LUZP2: variants seen among roughly 807,000 people sequenced by gnomAD.
LUZP2 encodes leucine zipper protein 2.
LUZP2 carries 52 observed loss-of-function variants against 51.6 expected under a neutral mutation model. The ratio of observed to expected loss-of-function variants is 1.01; its 90% CI spans 0.81 to 1.27. The LOEUF (loss-of-function observed/expected upper bound fraction) is 1.27, where lower values mean the gene tolerates loss of function less well. LUZP2 is among the 50% of genes most tolerant of loss of function. The pLI, the probability that LUZP2 is intolerant of heterozygous loss-of-function variation, is 0.00. For missense variants in LUZP2, 436 were observed against 395.4 expected (o/e 1.10, Z -0.87); for synonymous variants, 154 against 137.3 (o/e 1.12, Z -0.85).
At chr11:24,546,981 G>A (rs865975323) in intron 1 of LUZP2, among the ~76,000 whole-genome samples, 7 of 149,084 alleles carry the variant, frequency 4.7e-5, no homozygotes, top group African/African-American at 1.7e-4. Flanking sequence ...GGTGGTGGTG[G>A]TGGTGGTGGT....
chr11:24,984,451 T>C (rs1856127956), intron 9 of LUZP2, among the ~76,000 whole-genome samples: 1 of 147,566 alleles, frequency 6.8e-6, no homozygotes, highest in South Asian at 2.1e-4. Context: ...GTTTCTCTTT[T>C]AAAAATTATT....
chr11:25,015,904 T>C (rs925987355), intron 9 of LUZP2, among the ~76,000 whole-genome samples: 2 of 151,710 alleles, frequency 1.3e-5, no homozygotes, highest in African/African-American at 2.4e-5. Flanking sequence ...TTTCTTTTTT[T>C]TTTTTTGTAT....
chr11:24,960,373 C>T (rs561760278), intron 7 of LUZP2, among the ~76,000 whole-genome samples: 122 of 152,248 alleles, frequency 8.0e-4, no homozygotes, highest in African/African-American at 2.8e-3. Context: ...GTGAATCCAT[C>T]TGGTCCTGGA....
intron 9 of LUZP2, among the ~76,000 whole-genome samples, chr11:25,030,914 TGTATTATATATATATAATA>T (rs1857635483): frequency 2.9e-5 from 1 of 33,964 alleles, no homozygotes; most frequent in African/African-American, 9.9e-5. Flanking sequence ...TAATATATAT[TGTATTATATATATATAATA>T]TATATTATAT....
chr11:24,699,686 C>G (rs1565084911), intron 1 of LUZP2, among the ~76,000 whole-genome samples: 1 of 149,522 alleles, frequency 6.7e-6, no homozygotes, highest in Admixed American at 6.7e-5. Flanking sequence ...CATATATACA[C>G]AGACACACAC....
At chr11:24,711,300 A>G (rs1857812034) in intron 1 of LUZP2, among the ~76,000 whole-genome samples, 1 of 151,982 alleles carries the variant, frequency 6.6e-6, no homozygotes, top group Non-Finnish European at 1.5e-5. Flanking sequence ...AATACAAAAA[A>G]TTAGCCGGGT....
At chr11:24,973,364 G>GTT (rs369095558) in intron 7 of LUZP2, among the ~76,000 whole-genome samples, 1 of 102,998 alleles carries the variant, frequency 9.7e-6, no homozygotes, top group African/African-American at 3.5e-5. Flanking sequence ...ATATTTATTA[G>GTT]TTTTTTTTTT....
chr11:25,070,331 G>A (rs1187975181), intron 10 of LUZP2, among the ~76,000 whole-genome samples: 1 of 151,860 alleles, frequency 6.6e-6, no homozygotes, highest in Non-Finnish European at 1.5e-5. Context: ...CAAAAAATGT[G>A]GAGCCAGTAA....
At position 24,524,397 on chromosome 11, in the gene LUZP2, G is replaced by A. The variant is rs1207934711; in HGVS notation, c.62+27092G>A. On this transcript the variant is annotated intron_variant, in intron 1 of 11. Coordinates refer to ENST00000336930, the MANE Select transcript of LUZP2 (RefSeq NM_001009909.4). ...AAACATGCTGACTACAAGAGCTTTC[G>A]TTTATAGATAAGTGCTCTTCTTTAC... Among the ~76,000 whole-genome samples, 8 of 151,686 alleles carry A rather than the reference G, an allele frequency of 5.3e-5. No homozygotes were observed. In the East Asian group the frequency reaches 1.2e-3, roughly 22 times the overall value.
At chr11:24,626,866 A>G (rs1854702637) in intron 1 of LUZP2, among the ~76,000 whole-genome samples, 1 of 152,198 alleles carries the variant, frequency 6.6e-6, no homozygotes, top group Non-Finnish European at 1.5e-5. Flanking sequence ...GTCTTGCTTC[A>G]TAGTCCAAAA....
At chr11:24,885,331 T>C (rs921295333) in intron 5 of LUZP2, among the ~76,000 whole-genome samples, 1 of 152,122 alleles carries the variant, frequency 6.6e-6, no homozygotes, top group African/African-American at 2.4e-5. Context: ...GTGCTTACAT[T>C]GTGCCAGCTT....
At chr11:24,504,549 AT>A (rs1440632285) in intron 1 of LUZP2, among the ~76,000 whole-genome samples, 1 of 152,152 alleles carries the variant, frequency 6.6e-6, no homozygotes, top group African/African-American at 2.4e-5. Context: ...GGCCATTAAA[AT>A]TAAATAAAAT....
intron 10 of LUZP2, among the ~76,000 whole-genome samples, chr11:25,062,185 GGA>G (rs1220382794): frequency 6.7e-6 from 1 of 148,728 alleles, no homozygotes; most frequent in African/African-American, 2.5e-5. Flanking sequence ...GAGGAGGAAG[GGA>G]GAGAGAGAGA....
intron 7 of LUZP2, among the ~76,000 whole-genome samples, chr11:24,957,047 A>C (rs2133871606): frequency 1.3e-5 from 2 of 152,272 alleles, no homozygotes. Context: ...AGATGTTAAA[A>C]GTGTGCCATG....
At chr11:24,630,996 A>T (rs1392137965) in intron 1 of LUZP2, among the ~76,000 whole-genome samples, 1 of 151,814 alleles carries the variant, frequency 6.6e-6, no homozygotes, top group Non-Finnish European at 1.5e-5. Flanking sequence ...TCTCAGCTAG[A>T]TCATTATTGG....
chr11:24,959,809 A>T (rs1335800959), intron 7 of LUZP2, among the ~76,000 whole-genome samples: 2 of 152,116 alleles, frequency 1.3e-5, no homozygotes, highest in Non-Finnish European at 2.9e-5. Context: ...GTGGTGAGAG[A>T]GGGCATCCCT....
In LUZP2 at chr11:24,727,514, C is replaced by T. The variant is rs190211876; in HGVS notation, c.63-1655C>T. ...TATAATATGACAGCATATATAATAA[C>T]CTGTCAATACATATAATCTACTATT... On this transcript the variant is annotated intron_variant, in intron 1 of 11. Coordinates refer to ENST00000336930, the MANE Select transcript of LUZP2 (RefSeq NM_001009909.4). 3.9e-5 allele frequency among the ~76,000 whole-genome samples: 6 copies of T among 152,066 alleles called. No homozygotes were observed. In the East Asian group the frequency reaches 1.2e-3, roughly 29 times the overall value.
chr11:24,596,004 C>T (rs908031878), intron 1 of LUZP2, among the ~76,000 whole-genome samples: 32 of 152,254 alleles, frequency 2.1e-4, no homozygotes, highest in African/African-American at 5.5e-4. Flanking sequence ...GGAAGTGTTA[C>T]GCATACCTCC....
chr11:24,875,956 T>C (rs34373976), intron 5 of LUZP2, among the ~76,000 whole-genome samples: 72,258 of 150,184 alleles, frequency 0.48, 17,812 homozygotes, highest in East Asian at 0.69. Context: ...GGTTGTTTGT[T>C]TTTTTCTTGT....
Sources: allele counts gnomAD v4.1 joint callset (sites outside exome capture counted in the v4.1 genomes callset), GRCh38; gene constraint gnomAD v4.1.1; transcripts MANE v1.5; gene names NCBI Gene and HGNC (gene_info 2026-07-23, HGNC 2026-07-21).